CLSTN2: variants seen among roughly 807,000 people sequenced by gnomAD.
The protein encoded by CLSTN2 is calsyntenin 2.
Under a neutral mutation model 101.2 loss-of-function variants are expected in CLSTN2, and 48 were observed. The observed-to-expected ratio is 0.47, with a 90% CI of 0.38 to 0.60. The LOEUF (loss-of-function observed/expected upper bound fraction) is 0.60, where lower values mean the gene tolerates loss of function less well. Ranked by LOEUF, CLSTN2 falls within the 20% of genes least tolerant of loss-of-function variation. CLSTN2 has a pLI of 0.00. For synonymous variants in CLSTN2, 481 were observed against 463.6 expected, an observed-to-expected ratio of 1.04 and a Z score of -0.48; for missense variants, 1,160 against 1,238.2, an observed-to-expected ratio of 0.94 and a Z score of 0.95.
chr3:140,286,660 C>A (rs2086898444), intron 2 of CLSTN2, among the ~76,000 whole-genome samples: 3 of 152,170 alleles, frequency 2.0e-5, no homozygotes, highest in Admixed American at 2.0e-4. Context: ...TCTCTCATTC[C>A]TGGTACTCAG....
chr3:140,054,018 C>T (rs186241159), intron 1 of CLSTN2, among the ~76,000 whole-genome samples: 48 of 152,278 alleles, frequency 3.2e-4, no homozygotes, highest in African/African-American at 1.2e-3. Flanking sequence ...GGGCAGCTAC[C>T]ATCTGGCTGG....
chr3:140,015,594 T>C (rs1488297812), intron 1 of CLSTN2, among the ~76,000 whole-genome samples: 1 of 152,132 alleles, frequency 6.6e-6, no homozygotes, highest in Non-Finnish European at 1.5e-5. Flanking sequence ...AACAGAAGAA[T>C]GGGATTTCTG....
At chr3:140,316,387 C>T (rs960054095) in intron 2 of CLSTN2, among the ~76,000 whole-genome samples, 5 of 152,140 alleles carry the variant, frequency 3.3e-5, no homozygotes, top group African/African-American at 1.2e-4. Flanking sequence ...GTGATCAAGT[C>T]CAAATTCAAT....
intron 2 of CLSTN2, among the ~76,000 whole-genome samples, chr3:140,245,653 C>T (rs569624399): frequency 5.4e-3 from 127 of 23,420 alleles, no homozygotes; most frequent in African/African-American, 0.01. Context: ...CCATTAGCTC[C>T]GCCCTCCCAC....
intron 5 of CLSTN2, among the ~76,000 whole-genome samples, chr3:140,436,788 G>C (rs1421653022): frequency 1.3e-5 from 2 of 152,230 alleles, no homozygotes; most frequent in African/African-American, 4.8e-5. Flanking sequence ...TTCTTGGTTG[G>C]TGGAGGTTGG....
At chr3:140,263,515 T>TG (rs1413496921) in intron 2 of CLSTN2, among the ~76,000 whole-genome samples, 1 of 152,204 alleles carries the variant, frequency 6.6e-6, no homozygotes, top group Non-Finnish European at 1.5e-5. Context: ...CTTTGGGCAA[T>TG]GAAGTCTTTG....
chr3:140,082,485 C>T (rs975121825), intron 1 of CLSTN2, among the ~76,000 whole-genome samples: 1 of 152,150 alleles, frequency 6.6e-6, no homozygotes, highest in South Asian at 2.1e-4. Flanking sequence ...CATCGTGCCT[C>T]ATTTCTGGGA....
chr3:140,024,597 T>C (rs1280602868), intron 1 of CLSTN2, among the ~76,000 whole-genome samples: 1 of 152,208 alleles, frequency 6.6e-6, no homozygotes, highest in East Asian at 1.9e-4. Flanking sequence ...AGGCAGGAGC[T>C]GGGTACTCCT....
intron 2 of CLSTN2, among the ~76,000 whole-genome samples, chr3:140,232,719 A>G (rs986111305): frequency 1.4e-4 from 21 of 152,154 alleles, no homozygotes; most frequent in African/African-American, 5.1e-4. Context: ...TGTATTTAAT[A>G]TTGCAATGAA....
intron 2 of CLSTN2, among the ~76,000 whole-genome samples, chr3:140,240,463 C>A (rs1185584457): frequency 6.6e-6 from 1 of 151,600 alleles, no homozygotes; most frequent in Admixed American, 6.6e-5. Context: ...GTAATATTTG[C>A]CAGCTATGTG....
intron 2 of CLSTN2, among the ~76,000 whole-genome samples, chr3:140,286,181 C>T (rs1037937613): frequency 8.5e-5 from 13 of 152,098 alleles, no homozygotes; most frequent in Non-Finnish European, 1.5e-4. Context: ...CTGTCCAGGT[C>T]CTGATTCAAA....
intron 2 of CLSTN2, among the ~76,000 whole-genome samples, chr3:140,277,326 G>A (rs1406054234): frequency 6.6e-6 from 1 of 152,158 alleles, no homozygotes; most frequent in African/African-American, 2.4e-5. Flanking sequence ...CTTTGTTTCT[G>A]CTGGAGAGGT....
At chr3:140,537,080 A>G (rs1293563503) in intron 9 of CLSTN2, among the ~76,000 whole-genome samples, 2 of 152,234 alleles carry the variant, frequency 1.3e-5, no homozygotes, top group Non-Finnish European at 2.9e-5. Context: ...ACTTATATAC[A>G]TAGTATAATC....
chr3:140,321,485 G>A (rs2087282448), intron 2 of CLSTN2, among the ~76,000 whole-genome samples: 2 of 152,174 alleles, frequency 1.3e-5, no homozygotes, highest in South Asian at 4.1e-4. Flanking sequence ...TACACCCTCA[G>A]GTGTGGATTC....
At chr3:140,444,921 T>C (rs7614438) in intron 5 of CLSTN2, among the ~76,000 whole-genome samples, 51,462 of 152,144 alleles carry the variant, frequency 0.34, 10,550 homozygotes, top group Middle Eastern at 0.48. Flanking sequence ...AAGCCTGAAC[T>C]TGATGACTTG....
intron 2 of CLSTN2, among the ~76,000 whole-genome samples, chr3:140,357,317 T>C (rs1407354764): frequency 1.3e-5 from 2 of 152,068 alleles, no homozygotes; most frequent in Non-Finnish European, 2.9e-5. Context: ...CATCAGATGG[T>C]TAAAGAATGT....
At chr3:140,304,456 G>C (rs73228926) in intron 2 of CLSTN2, among the ~76,000 whole-genome samples, 22 of 152,280 alleles carry the variant, frequency 1.4e-4, no homozygotes, top group Non-Finnish European at 2.2e-4. Context: ...CCATCTTCTT[G>C]TTGTATGTTC....
chr3:139,942,025 T>G (rs1375432664), intron 1 of CLSTN2, among the ~76,000 whole-genome samples: 1 of 152,160 alleles, frequency 6.6e-6, no homozygotes, highest in East Asian at 1.9e-4. Context: ...AAACTGGGGT[T>G]ACAAACTCAG....
At chr3:140,426,793 A>C (rs1166238191) in intron 5 of CLSTN2, among the ~76,000 whole-genome samples, 2 of 152,214 alleles carry the variant, frequency 1.3e-5, no homozygotes, top group South Asian at 4.1e-4. Flanking sequence ...TTGAGTTCTA[A>C]GAGTACTGTT....
Sources: gnomAD v4.1 joint callset for allele counts (sites outside exome capture counted in the v4.1 genomes callset) on GRCh38, gnomAD v4.1.1 for gene constraint, MANE v1.5 for transcripts, NCBI Gene and HGNC (gene_info 2026-07-23, HGNC 2026-07-21) for gene names.